The following N4BP2 variants were observed in gnomAD, a reference collection of about 807,000 sequenced individuals.
N4BP2 encodes the protein NEDD4-binding protein 2.
In N4BP2, 91 loss-of-function variants were observed where a neutral mutation model predicts 152.8. That is an observed-to-expected ratio of 0.60 (90% CI 0.50 to 0.71). The LOEUF (loss-of-function observed/expected upper bound fraction) is 0.71. Among genes scored for constraint, N4BP2 ranks in the 30% least tolerant of loss-of-function variants. N4BP2 has a pLI of 0.00. For missense variants in N4BP2, 1,923 were observed against 2,059.1 expected (o/e 0.93, Z 1.28); for synonymous variants, 646 against 705.3 (o/e 0.92, Z 1.33).
intron 14 of N4BP2, among the ~76,000 whole-genome samples, chr4:40,139,356 C>G (rs1336389901): frequency 6.6e-6 from 1 of 152,132 alleles, no homozygotes; most frequent in Non-Finnish European, 1.5e-5. Context: ...CTCAGCCTTC[C>G]AAAGTGCTAG....
At chr4:40,151,877 ATT>A (rs1408285781) in intron 16 of N4BP2, among the ~76,000 whole-genome samples, 4 of 152,182 alleles carry the variant, frequency 2.6e-5, no homozygotes, top group African/African-American at 9.6e-5. Flanking sequence ...TTGAAAAACC[ATT>A]TGTTTGTATT....
At chr4:40,165,231 T>C in the N4BP2 span, among the ~76,000 whole-genome samples, 1 of 152,112 alleles carries the variant, frequency 6.6e-6, no homozygotes, top group Non-Finnish European at 1.5e-5. Context: ...AGCTCAAATC[T>C]TTTTTTGGAA....
chr4:40,104,116 C>A (rs1716001175), intron 4 of N4BP2, among the ~76,000 whole-genome samples: 1 of 152,060 alleles, frequency 6.6e-6, no homozygotes, highest in South Asian at 2.1e-4. Context: ...CCACGCCCAG[C>A]TACTTTTTTG....
chr4:40,169,659 T>G, the N4BP2 span, among the ~76,000 whole-genome samples: 4 of 141,406 alleles, frequency 2.8e-5, no homozygotes, highest in Non-Finnish European at 6.2e-5. Flanking sequence ...TGCTCATCTT[T>G]AAAAAAAAAA....
In N4BP2 at chr4:40,106,947, A is replaced by T. The variant is rs1191313886; in HGVS notation, c.1421A>T (p.Asp474Val). 2 of 1,612,528 alleles carry T rather than the reference A, an allele frequency of 1.2e-6. No homozygotes were observed. The highest frequency in any genetic ancestry group is 1.7e-6 in the Non-Finnish European group (2 of 1,178,582). ...AGTGGAGTCATTCTTAGTACTGATG[A>T]TTATTTTTATATAAATGGACAGTAC... is the stretch of plus-strand genomic sequence containing the variant. ...NPSGVILSTD[D>V]YFYINGQYQF... is the part of the protein sequence containing the mutation. Residue 474 changes from aspartate to valine, a missense_variant, in exon 5 of 18, where the codon GAT becomes GTT. By Grantham distance (152) the Asp-to-Val change is radical (BLOSUM62 -3). Coordinates refer to ENST00000261435, the MANE Select transcript of N4BP2 (RefSeq NM_018177.6).
At chr4:40,078,483 G>A (rs555007664) in intron 2 of N4BP2, among the ~76,000 whole-genome samples, 5 of 150,666 alleles carry the variant, frequency 3.3e-5, no homozygotes, top group East Asian at 2.0e-4. Flanking sequence ...CTTGACTTGC[G>A]TATGGTGGCA....
At position 40,069,867 on chromosome 4, in the gene N4BP2, G is replaced by A. The variant is rs186752962; in HGVS notation, c.-211-3588G>A. ...GAGCCCAGGAGTTCAAAGCTGTAGT[G>A]TTGTACCACTGCACTCCAGCCTGGG... On this transcript the variant is annotated intron_variant, in intron 1 of 17. Coordinates refer to ENST00000261435, the MANE Select transcript of N4BP2 (RefSeq NM_018177.6). 1.3e-3 allele frequency among the ~76,000 whole-genome samples: 192 copies of A among 152,218 alleles called. 1 individual carries two copies. Among genetic ancestry groups the A allele is most frequent in the African/African-American group, 4.1e-3 (170 of 41,548 alleles).
In N4BP2 at chr4:40,112,116, A is replaced by G. The variant is rs763147025; in HGVS notation, c.1531A>G (p.Ile511Val). The G allele has an allele frequency of 6.4e-6, 10 of 1,565,798 alleles. No homozygotes were observed. The highest frequency in any genetic ancestry group is 1.7e-4 in the Middle Eastern group (1 of 5,952). Residue 511 changes from isoleucine to valine, a missense_variant, in exon 6 of 18, where the codon ATA (isoleucine) becomes GTA (valine). Coordinates refer to ENST00000261435, the MANE Select transcript of N4BP2 (RefSeq NM_018177.6). ...AGCATTTGAGAAGAAGATATCTCCT[A>G]TAATTATAGATAATACAAACCTACA... ...KEAFEKKISP[I>V]IIDNTNLQAW...
At chr4:40,126,380 G>GC in intron 12 of N4BP2, 50 bp downstream of exon 12, 1 of 896,968 alleles carries the variant, frequency 1.1e-6, no homozygotes, top group South Asian at 2.3e-5. Flanking sequence ...CTGGTTTATT[G>GC]TGTATGTTTA....
chr4:40,122,417 A>G, intron 9 of N4BP2, 108 bp downstream of exon 9: 1 of 659,746 alleles, frequency 1.5e-6, no homozygotes, highest in East Asian at 3.0e-5. Flanking sequence ...TCTGTTGCCC[A>G]GGCTGGAGTG....
In N4BP2 at chr4:40,145,259, T is replaced by C. The variant is rs1296801142; in HGVS notation, c.5143+459T>C. Among the ~76,000 whole-genome samples the C allele has an allele frequency of 3.3e-5, 5 of 152,070 alleles. No homozygotes were observed. In the East Asian group the frequency reaches 7.7e-4, roughly 23 times the overall value. The stretch of plus-strand genomic sequence containing the variant: ...CTTTTTCTGAGACATAATCTCACTC[T>C]GTTGCCCAGGCTGGAGTGCAGTGGT... On this transcript the variant is annotated intron_variant, in intron 16 of 17. Transcript: ENST00000261435.
the N4BP2 span, among the ~76,000 whole-genome samples, chr4:40,178,734 C>T: frequency 2.0e-5 from 3 of 152,164 alleles, no homozygotes; most frequent in Admixed American, 1.3e-4. Context: ...TTGAGACATG[C>T]GAAATGTGTA....
intron 1 of N4BP2, among the ~76,000 whole-genome samples, chr4:40,061,965 A>G (rs939375701): frequency 4.0e-5 from 6 of 151,886 alleles, no homozygotes; most frequent in Non-Finnish European, 7.4e-5. Context: ...ATGCCTGGCC[A>G]TTAGTGTCTT....
intron 15 of N4BP2, among the ~76,000 whole-genome samples, chr4:40,143,338 AG>A (rs1720220096): frequency 6.6e-6 from 1 of 152,102 alleles, no homozygotes; most frequent in Non-Finnish European, 1.5e-5. Context: ...TTTTAAGATA[AG>A]GTCTTGCTCT....
the N4BP2 span, among the ~76,000 whole-genome samples, chr4:40,184,912 C>T: frequency 5.0e-4 from 76 of 151,894 alleles, no homozygotes; most frequent in African/African-American, 1.6e-3. Flanking sequence ...GCCGACATTG[C>T]GCCACTGCAC....
intron 2 of N4BP2, among the ~76,000 whole-genome samples, chr4:40,093,245 C>T (rs926653869): frequency 7.2e-5 from 11 of 152,196 alleles, no homozygotes; most frequent in South Asian, 4.1e-4. Flanking sequence ...TGCCTGGCCC[C>T]GGCCTACTCT....
chr4:40,134,865 C>G (rs1046509444), intron 13 of N4BP2, among the ~76,000 whole-genome samples: 2 of 151,548 alleles, frequency 1.3e-5, no homozygotes, highest in South Asian at 4.2e-4. Context: ...TTCTTTCTTT[C>G]TTTCTCTCTT....
At chr4:40,099,332 T>G (rs1715397551) in intron 3 of N4BP2, among the ~76,000 whole-genome samples, 1 of 152,214 alleles carries the variant, frequency 6.6e-6, no homozygotes, top group African/African-American at 2.4e-5. Flanking sequence ...AACCTCAGCC[T>G]CCCGAGTTAA....
At position 40,120,501 on chromosome 4, in the gene N4BP2, T is replaced by C; in HGVS notation, c.2390T>C (p.Ile797Thr). ...FVGDWPVDKTIGQRTKRNRKT... is the reference protein window; with the variant it reads ...FVGDWPVDKTTGQRTKRNRKT... ...GGTGACTGGCCAGTTGATAAGACTATTGGTCAGAGGACAAAAAGGAACAGA... is the reference window on the plus strand; with the variant it reads ...GGTGACTGGCCAGTTGATAAGACTACTGGTCAGAGGACAAAAAGGAACAGA... The change falls in exon 9 of 18, where the codon ATT becomes ACT. Residue 797 changes from isoleucine (I) to threonine (T), a missense_variant. Coordinates refer to ENST00000261435, the MANE Select transcript of N4BP2 (RefSeq NM_018177.6). The C allele has an allele frequency of 6.2e-7, 1 of 1,613,690 alleles. No homozygotes were observed. The highest frequency in any genetic ancestry group is 8.5e-7 in the Non-Finnish European group (1 of 1,179,948).
Sources: gnomAD v4.1 joint callset for allele counts (sites outside exome capture counted in the v4.1 genomes callset) on GRCh38, gnomAD v4.1.1 for gene constraint, MANE v1.5 for transcripts, NCBI Gene and HGNC (gene_info 2026-07-23, HGNC 2026-07-21) for gene names.